MPPED1: variants seen among roughly 807,000 people sequenced by gnomAD.
MPPED1 encodes metallophosphoesterase domain containing 1, also known as metallophosphoesterase domain-containing protein 1.
In MPPED1, 16 loss-of-function variants were observed where a neutral mutation model predicts 36.2. That is an observed-to-expected ratio of 0.44 (90% CI 0.30 to 0.67). The LOEUF (loss-of-function observed/expected upper bound fraction) is 0.67, where lower values mean the gene tolerates loss of function less well. MPPED1 is among the 30% of genes least tolerant of loss of function. MPPED1 has a pLI of 0.10. For synonymous variants in MPPED1, 199 were observed against 191.3 expected, an observed-to-expected ratio of 1.04 and a Z score of -0.33; for missense variants, 307 against 453.4, an observed-to-expected ratio of 0.68 and a Z score of 2.93.
intron 3 of MPPED1, among the ~76,000 whole-genome samples, chr22:43,455,362 G>T (rs542370248): frequency 2.0e-5 from 3 of 152,010 alleles, no homozygotes; most frequent in South Asian, 4.2e-4. Flanking sequence ...CATCCATCTC[G>T]GCCTCCCAAA....
chr22:43,477,023 G>A (rs1422542868), intron 4 of MPPED1, among the ~76,000 whole-genome samples: 1 of 152,164 alleles, frequency 6.6e-6, no homozygotes, highest in East Asian at 1.9e-4. Context: ...AAGGGAACTC[G>A]AGCCCAGGAG....
intron 3 of MPPED1, among the ~76,000 whole-genome samples, chr22:43,443,922 C>T (rs528098480): frequency 1.8e-4 from 28 of 152,214 alleles, no homozygotes; most frequent in African/African-American, 6.7e-4. Context: ...GTTGCGTACG[C>T]ACATGGCCAG....
chr22:43,498,781 C>T (rs1932513042), intron 5 of MPPED1, among the ~76,000 whole-genome samples: 1 of 152,018 alleles, frequency 6.6e-6, no homozygotes, highest in South Asian at 2.1e-4. Context: ...GACCACCTCC[C>T]ATCTCTCCTC....
chr22:43,433,291 T>C (rs925259911), intron 2 of MPPED1, among the ~76,000 whole-genome samples: 12 of 152,118 alleles, frequency 7.9e-5, no homozygotes, highest in African/African-American at 2.9e-4. Flanking sequence ...AGGTGCTGGC[T>C]GTATTGTCAT....
intron 4 of MPPED1, among the ~76,000 whole-genome samples, chr22:43,493,363 G>A (rs1932160407): frequency 6.6e-6 from 1 of 152,240 alleles, no homozygotes; most frequent in Admixed American, 6.5e-5. Flanking sequence ...ACAGCCAGGG[G>A]TGTCAGTCAC....
chr22:43,470,075 C>T, intron 3 of MPPED1, among the ~76,000 whole-genome samples: 1 of 133,190 alleles, frequency 7.5e-6, no homozygotes, highest in Non-Finnish European at 1.7e-5. Flanking sequence ...AATCATCCAT[C>T]CAGCCACCCA....
chr22:43,491,391 G>C (rs1932077049), intron 4 of MPPED1, among the ~76,000 whole-genome samples: 1 of 152,078 alleles, frequency 6.6e-6, no homozygotes, highest in Non-Finnish European at 1.5e-5. Context: ...GATGATGGTG[G>C]AGGTGGTGGT....
At chr22:43,478,524 G>A (rs955400435) in intron 4 of MPPED1, among the ~76,000 whole-genome samples, 2 of 152,124 alleles carry the variant, frequency 1.3e-5, no homozygotes, top group African/African-American at 4.8e-5. Flanking sequence ...CATGGGGAAA[G>A]CCAGAGGTTG....
intron 3 of MPPED1, among the ~76,000 whole-genome samples, chr22:43,440,207 T>A (rs1448613034): frequency 6.6e-6 from 1 of 152,096 alleles, no homozygotes; most frequent in Non-Finnish European, 1.5e-5. Flanking sequence ...AGGCCACCAG[T>A]AAATGGGAGC....
intron 2 of MPPED1, among the ~76,000 whole-genome samples, chr22:43,425,622 C>T (rs1929440326): frequency 6.6e-6 from 1 of 152,220 alleles, no homozygotes; most frequent in African/African-American, 2.4e-5. Context: ...GACCCCTGGT[C>T]TGATTTACGC....
rs369721283 is a variant in MPPED1, at chr22:43,495,670, G to A, written c.633-2565G>A. Among the ~76,000 whole-genome samples the A allele has an allele frequency of 5.0e-3, 180 of 36,146 alleles. 8 individuals carry two copies. Among genetic ancestry groups the A allele is most frequent in the Admixed American group, 4.7e-3 (15 of 3,182 alleles). 23.7% of individuals were successfully genotyped at this position (36,146 alleles called of 152,430 possible). On this transcript the variant is annotated intron_variant, in intron 4 of 6. Transcript: ENST00000443721. ...TGGTGGAGGTAGTGGTGGTGGAGGT[G>A]GTGGTGGTGGAGATGGTGGTGGTGG...
chr22:43,479,837 T>C (rs1931694837), intron 4 of MPPED1, among the ~76,000 whole-genome samples: 1 of 152,194 alleles, frequency 6.6e-6, no homozygotes, highest in Non-Finnish European at 1.5e-5. Flanking sequence ...CACTAAGAGA[T>C]ACTCTGCTTG....
chr22:43,429,009 G>C (rs1929581316), intron 2 of MPPED1, among the ~76,000 whole-genome samples: 1 of 152,150 alleles, frequency 6.6e-6, no homozygotes, highest in Non-Finnish European at 1.5e-5. Context: ...ACCTTTAAAA[G>C]TCGTTATGGC....
intron 3 of MPPED1, among the ~76,000 whole-genome samples, chr22:43,466,493 G>A (rs549354556): frequency 1.4e-4 from 22 of 152,208 alleles, no homozygotes; most frequent in Non-Finnish European, 2.4e-4. Context: ...GAATAGCCCC[G>A]AAATGCAATG....
chr22:43,468,509 T>C (rs1411002740), intron 3 of MPPED1, among the ~76,000 whole-genome samples: 1 of 152,184 alleles, frequency 6.6e-6, no homozygotes, highest in Non-Finnish European at 1.5e-5. Flanking sequence ...CAGAGGCTGG[T>C]CATTGTTCAG....
chr22:43,428,182 G>A (rs1251336015), intron 2 of MPPED1, among the ~76,000 whole-genome samples: 2 of 152,174 alleles, frequency 1.3e-5, no homozygotes, highest in Non-Finnish European at 2.9e-5. Context: ...TGGAGAAGGA[G>A]CTTAGCTGGG....
At chr22:43,430,369 G>A (rs1362616216) in intron 2 of MPPED1, among the ~76,000 whole-genome samples, 1 of 152,210 alleles carries the variant, frequency 6.6e-6, no homozygotes. Context: ...CAGCTGTGAA[G>A]GTTGGTGAAG....
At chr22:43,446,165 C>T (rs1930339462) in intron 3 of MPPED1, among the ~76,000 whole-genome samples, 1 of 152,200 alleles carries the variant, frequency 6.6e-6, no homozygotes, top group Non-Finnish European at 1.5e-5. Context: ...GTCACTGCAC[C>T]CAGCCTGGTG....
At chr22:43,447,050 G>A (rs1271619111) in intron 3 of MPPED1, among the ~76,000 whole-genome samples, 1 of 152,132 alleles carries the variant, frequency 6.6e-6, no homozygotes, top group African/African-American at 2.4e-5. Context: ...CCTGTGTAAT[G>A]GAGGGTGGCG....
Sources: allele counts gnomAD v4.1 joint callset (sites outside exome capture counted in the v4.1 genomes callset), GRCh38; gene constraint gnomAD v4.1.1; transcripts MANE v1.5; gene names NCBI Gene and HGNC (gene_info 2026-07-23, HGNC 2026-07-21).